EVC2: variants seen among roughly 807,000 people sequenced by gnomAD.
The protein encoded by EVC2 is EvC ciliary complex subunit 2, also known as limbin.
EVC2 carries 148 observed loss-of-function variants against 149.3 expected under a neutral mutation model. That is an observed-to-expected ratio of 0.99 (90% CI 0.87 to 1.14). The LOEUF (loss-of-function observed/expected upper bound fraction) is 1.14, where lower values mean the gene tolerates loss of function less well. Ranked by LOEUF, EVC2 falls within the 50% of genes most tolerant of loss-of-function variation. The pLI, the probability that EVC2 is intolerant of heterozygous loss-of-function variation, is 0.00. For missense variants in EVC2, 1,854 were observed against 1,627.3 expected (o/e 1.14, Z -2.40); for synonymous variants, 776 against 649.9 (o/e 1.19, Z -2.95).
At chr4:5,655,458 C>T (rs1193393212) in intron 9 of EVC2, among the ~76,000 whole-genome samples, 3 of 152,172 alleles carry the variant, frequency 2.0e-5, no homozygotes, top group Admixed American at 6.5e-5. Context: ...GCTACCACCC[C>T]TGTGTCCAGC....
chr4:5,538,926 C>T (rs1163633733), downstream of EVC2, among the ~76,000 whole-genome samples: 1 of 152,138 alleles, frequency 6.6e-6, no homozygotes, highest in Non-Finnish European at 1.5e-5. Context: ...ACTCATTAAA[C>T]ATTGTCCTGG....
chr4:5,631,708 G>A, intron 11 of EVC2, 85 bp downstream of exon 11: 7 of 1,561,046 alleles, frequency 4.5e-6, no homozygotes, highest in Non-Finnish European at 6.1e-6. Context: ...CAAAGGAGAG[G>A]CAGGACTGAA....
chr4:5,539,733 GAGAA>G (rs558127918), downstream of EVC2, among the ~76,000 whole-genome samples: 17 of 152,060 alleles, frequency 1.1e-4, no homozygotes, highest in East Asian at 2.5e-3. Context: ...TGCAAACAAA[GAGAA>G]AGGAACTTTG....
chr4:5,669,391 G>A (rs541786906), intron 7 of EVC2, among the ~76,000 whole-genome samples: 1 of 152,298 alleles, frequency 6.6e-6, no homozygotes, highest in African/African-American at 2.4e-5. Flanking sequence ...ATTAATTGAT[G>A]TCCACAGCTA....
the EVC2 span, among the ~76,000 whole-genome samples, chr4:5,529,384 C>G: frequency 6.6e-6 from 1 of 152,158 alleles, no homozygotes; most frequent in Non-Finnish European, 1.5e-5. This position sits in a 1 kb window ranked among gnomAD's most constrained non-coding sequence, Gnocchi z 4.5. Flanking sequence ...AGACAACAAC[C>G]AAGTCTTCGT....
At chr4:5,581,721 G>A (rs927570365) in intron 17 of EVC2, among the ~76,000 whole-genome samples, 1 of 152,188 alleles carries the variant, frequency 6.6e-6, no homozygotes, top group Admixed American at 6.5e-5. Flanking sequence ...CCAAGAGAAT[G>A]GGAAACAGAA....
At chr4:5,634,574 T>C (rs1349433652) in intron 10 of EVC2, among the ~76,000 whole-genome samples, 1 of 152,184 alleles carries the variant, frequency 6.6e-6, no homozygotes, top group Non-Finnish European at 1.5e-5. Flanking sequence ...TAGAATCATA[T>C]CTCTGCCGAA....
intron 18 of EVC2, 124 bp from the exon 19 acceptor site, chr4:5,574,896 T>A (rs556359491): frequency 2.6e-4 from 261 of 997,286 alleles, no homozygotes; most frequent in Non-Finnish European, 3.6e-4. Flanking sequence ...AATATGTCCA[T>A]AGAAAGAGAT....
chr4:5,566,531 A>C (rs1263523779), intron 20 of EVC2, among the ~76,000 whole-genome samples: 1 of 152,048 alleles, frequency 6.6e-6, no homozygotes, highest in Non-Finnish European at 1.5e-5. Context: ...TTCAGTTCCC[A>C]TTGCTTGAAA....
At chr4:5,594,191 C>A (rs1713142874) in intron 16 of EVC2, among the ~76,000 whole-genome samples, 1 of 152,198 alleles carries the variant, frequency 6.6e-6, no homozygotes, top group East Asian at 1.9e-4. Context: ...ACTTAAATGT[C>A]CCTGTCTGAC....
At chr4:5,540,260 G>A (rs1721490207), downstream of EVC2, among the ~76,000 whole-genome samples, 1 of 152,232 alleles carries the variant, frequency 6.6e-6, no homozygotes, top group African/African-American at 2.4e-5. Context: ...AAACACTGTG[G>A]AAAGCTGTTT....
At chr4:5,691,485 G>A in intron 3 of EVC2, 152 bp from the exon 4 acceptor site, 1 of 666,560 alleles carries the variant, frequency 1.5e-6, no homozygotes, top group Non-Finnish European at 2.6e-6. Context: ...TTTTAAAAGA[G>A]CATTAAAGGA....
At position 5,543,743 on chromosome 4, in the gene EVC2, C is replaced by T. The variant is rs543370438; in HGVS notation, c.3420-531G>A. 3.9e-5 allele frequency among the ~76,000 whole-genome samples: 6 copies of T among 152,152 alleles called. No homozygotes were observed. The South Asian group carries it at 6.2e-4, about 16-fold the overall frequency. On this transcript the variant is annotated intron_variant and NMD_transcript_variant, in intron 21 of 22. Transcript: ENST00000475313. ...CAGGTAGGTAAGAGGTCAGGGGAAC[C>T]GGAGAGGGAAATGGTACCTGCTTAT...
At chr4:5,641,248 C>T (rs1466790717) in intron 9 of EVC2, among the ~76,000 whole-genome samples, 1 of 151,534 alleles carries the variant, frequency 6.6e-6, no homozygotes, top group African/African-American at 2.4e-5. Context: ...GGACGGAATC[C>T]CAGAGCAAAA....
At position 5,613,268 on chromosome 4, in the gene EVC2, G is replaced by A. The variant is rs1227848587; in HGVS notation, c.2829+2154C>T. Among the ~76,000 whole-genome samples, 1 of 152,128 alleles carries A rather than the reference G, an allele frequency of 6.6e-6. No individual in the cohort carries two copies. Among genetic ancestry groups the A allele is most frequent in the African/African-American group, 2.4e-5 (1 of 41,438 alleles). On this transcript the variant is annotated intron_variant, in intron 16 of 21. Coordinates refer to ENST00000344408, the MANE Select transcript of EVC2 (RefSeq NM_147127.5). This position sits in a 1 kb window ranked among gnomAD's most constrained non-coding sequence, Gnocchi z 4.6. ...CTTGTCACAGGGCTTCAACCCTCTGGGTTCCCTCTGTGCACTGTGGCCTCC... is the reference window on the plus strand; with the variant it reads ...CTTGTCACAGGGCTTCAACCCTCTGAGTTCCCTCTGTGCACTGTGGCCTCC...
intron 9 of EVC2, among the ~76,000 whole-genome samples, chr4:5,658,752 C>T (rs540786451): frequency 6.6e-6 from 1 of 152,318 alleles, no homozygotes; most frequent in East Asian, 1.9e-4. Flanking sequence ...AGGGAAAAAC[C>T]AATAAATCTT....
At chr4:5,590,284 G>T (rs1033684641) in intron 16 of EVC2, among the ~76,000 whole-genome samples, 1 of 152,144 alleles carries the variant, frequency 6.6e-6, no homozygotes, top group Non-Finnish European at 1.5e-5. Flanking sequence ...GGAAAAAGTT[G>T]AGTGATGGGC....
intron 16 of EVC2, among the ~76,000 whole-genome samples, chr4:5,592,984 G>A (rs998658444): frequency 6.6e-6 from 1 of 152,178 alleles, no homozygotes. Context: ...TCTCCTGAGA[G>A]TGAGTTCTCA....
intron 9 of EVC2, among the ~76,000 whole-genome samples, chr4:5,658,269 C>G (rs1043123141): frequency 1.3e-5 from 2 of 152,186 alleles, no homozygotes; most frequent in Non-Finnish European, 2.9e-5. Context: ...GTACTGCTTG[C>G]ATGAACCAGC....
Sources: gnomAD v4.1 joint callset for allele counts (sites outside exome capture counted in the v4.1 genomes callset) on GRCh38, gnomAD v4.1.1 for gene constraint, Gnocchi (gnomAD v3.1) non-coding constraint, MANE v1.5 for transcripts, NCBI Gene and HGNC (gene_info 2026-07-23, HGNC 2026-07-21) for gene names.